Variants in INVS observed in about 807,000 individuals in gnomAD.
INVS encodes inversion of embryo turning homolog.
INVS carries 86 observed loss-of-function variants against 108.8 expected under a neutral mutation model. The observed-to-expected ratio is 0.79, with a 90% CI of 0.66 to 0.95. INVS has a LOEUF of 0.95. Ranked by LOEUF, INVS falls within the 40% of genes least tolerant of loss-of-function variation. The pLI, the probability that INVS is intolerant of heterozygous loss-of-function variation, is 0.00. For synonymous variants in INVS, 455 were observed against 473.5 expected (o/e 0.96, Z 0.51); for missense variants, 1,169 against 1,297.4 (o/e 0.90, Z 1.52).
Position 100,101,022 on chromosome 9 carries a change from ATAT to A in INVS, c.-25+1610_-25+1612del, listed in dbSNP as rs1368848079. Reference sequence around the variant, plus strand: ...TATAATATATATATTATATGTATATATATTATATATATTATATATGTGTATATA... The same window carrying A: ...TATAATATATATATTATATGTATATATATATATATTATATATGTGTATATA... On this transcript the variant is annotated intron_variant, in intron 1 of 16. Coordinates refer to ENST00000262457, the MANE Select transcript of INVS (RefSeq NM_014425.5). 3.9e-5 allele frequency among the ~76,000 whole-genome samples: 4 copies of A among 102,364 alleles called. No individual in the cohort carries two copies. The Admixed American group carries it at 5.0e-4, about 13-fold the overall frequency. 67.2% of individuals were successfully genotyped at this position (102,364 alleles called of 152,430 possible).
chr9:100,118,812 C>T (rs1827634722), intron 2 of INVS, among the ~76,000 whole-genome samples: 1 of 152,086 alleles, frequency 6.6e-6, no homozygotes, highest in Admixed American at 6.6e-5. Context: ...AGGTGCCCAC[C>T]ACCACACCTG....
intron 12 of INVS, among the ~76,000 whole-genome samples, chr9:100,283,655 C>T (rs1391182044): frequency 1.3e-5 from 2 of 152,182 alleles, no homozygotes; most frequent in African/African-American, 2.4e-5. Flanking sequence ...CTCCCCAGCC[C>T]TTCTCTGTTC....
chr9:100,226,254 C>T lies in INVS; in HGVS notation c.447+19C>T. On this transcript the variant is annotated intron_variant, in intron 4 of 16. Coordinates refer to ENST00000262457, the MANE Select transcript of INVS (RefSeq NM_014425.5). ...AAACAAGGTAATGGATACTCAAAAT[C>T]AAAGACTAATAAGACCAGAAAGCAA... is the stretch of plus-strand genomic sequence containing the variant. 1 of 1,607,798 alleles carries T rather than the reference C, an allele frequency of 6.2e-7. No homozygotes were observed. Among genetic ancestry groups the T allele is most frequent in the East Asian group, 2.2e-5 (1 of 44,804 alleles).
intron 5 of INVS, among the ~76,000 whole-genome samples, chr9:100,239,699 A>G (rs967936610): frequency 6.6e-6 from 1 of 152,196 alleles, no homozygotes; most frequent in African/African-American, 2.4e-5. Context: ...CAGGCTGGGC[A>G]CAGTGACTCA....
At chr9:100,192,441 C>T (rs566204553) in intron 3 of INVS, among the ~76,000 whole-genome samples, 2 of 152,106 alleles carry the variant, frequency 1.3e-5, no homozygotes, top group African/African-American at 4.8e-5. Flanking sequence ...TTTATACATT[C>T]ATGGGATGAT....
intron 13 of INVS, among the ~76,000 whole-genome samples, chr9:100,291,427 T>G (rs1317090272): frequency 6.6e-6 from 1 of 152,228 alleles, no homozygotes; most frequent in East Asian, 1.9e-4. Context: ...AAACTTCTTT[T>G]GTGTGTTTAA....
At chr9:100,196,989 A>T (rs1588081510) in intron 3 of INVS, among the ~76,000 whole-genome samples, 1 of 152,154 alleles carries the variant, frequency 6.6e-6, no homozygotes, top group East Asian at 1.9e-4. Context: ...TCAGTTCTGT[A>T]GCAGACACCC....
At chr9:100,194,029 T>C (rs1418184354) in intron 3 of INVS, among the ~76,000 whole-genome samples, 1 of 152,228 alleles carries the variant, frequency 6.6e-6, no homozygotes, top group African/African-American at 2.4e-5. Flanking sequence ...CTAATGAAGA[T>C]GGTAAGAACA....
intron 15 of INVS, 51 bp from the exon 16 acceptor site, chr9:100,297,885 G>A: frequency 6.2e-7 from 1 of 1,602,500 alleles, no homozygotes; most frequent in Non-Finnish European, 8.5e-7. Context: ...AGTTGGTCAG[G>A]CCAAACGTAT....
chr9:100,171,259 G>A (rs1829533342), intron 3 of INVS, among the ~76,000 whole-genome samples: 1 of 152,028 alleles, frequency 6.6e-6, no homozygotes, highest in Non-Finnish European at 1.5e-5. Context: ...TCTATGTTTA[G>A]ATACGTTTAG....
At chr9:100,239,961 C>G (rs1831812742) in intron 5 of INVS, 99 bp from the exon 6 acceptor site, 3 of 1,098,858 alleles carry the variant, frequency 2.7e-6, no homozygotes, top group South Asian at 2.5e-5. Context: ...AGAACAAGAC[C>G]CTGTCTCTAA....
intron 5 of INVS, among the ~76,000 whole-genome samples, chr9:100,234,063 A>G (rs1224181381): frequency 6.6e-6 from 1 of 152,166 alleles, no homozygotes; most frequent in Admixed American, 6.5e-5. Context: ...TTATTGGTCT[A>G]TTCAGGGATT....
At chr9:100,279,265 G>A (rs971098441) in intron 12 of INVS, among the ~76,000 whole-genome samples, 5 of 152,164 alleles carry the variant, frequency 3.3e-5, no homozygotes, top group African/African-American at 1.2e-4. Context: ...GGCACACAAA[G>A]GTTAGCCTGC....
At position 100,145,718 on chromosome 9, in the gene INVS, C is replaced by T. The variant is rs141794303; in HGVS notation, c.273+19169C>T. 2.1e-3 allele frequency among the ~76,000 whole-genome samples: 314 copies of T among 152,202 alleles called. 1 individual carries two copies. Among genetic ancestry groups the T allele is most frequent in the African/African-American group, 7.2e-3 (299 of 41,522 alleles). On this transcript the variant is annotated intron_variant, in intron 3 of 16. Coordinates refer to ENST00000262457, the MANE Select transcript of INVS (RefSeq NM_014425.5). ...CCCGTGTGGTCAGACACCTCTGAAACGTGGGTGAGTAATCAGGCAGTCGTC... is the reference window on the plus strand; with the variant it reads ...CCCGTGTGGTCAGACACCTCTGAAATGTGGGTGAGTAATCAGGCAGTCGTC...
At chr9:100,193,722 C>G (rs1259510546) in intron 3 of INVS, among the ~76,000 whole-genome samples, 1 of 152,138 alleles carries the variant, frequency 6.6e-6, no homozygotes, top group Admixed American at 6.5e-5. Flanking sequence ...TTCTTTCACT[C>G]AGTATAATTA....
At chr9:100,175,363 G>C (rs939567518) in intron 3 of INVS, 2 of 774,638 alleles carry the variant, frequency 2.6e-6, no homozygotes, top group Non-Finnish European at 4.7e-6. Context: ...CCCAAAGGCA[G>C]ACAACTCACT....
At chr9:100,225,313 G>T (rs924842692) in intron 3 of INVS, among the ~76,000 whole-genome samples, 4 of 150,718 alleles carry the variant, frequency 2.7e-5, no homozygotes, top group Admixed American at 2.6e-4. Flanking sequence ...CTCCCAAAGT[G>T]CTGGGGTTGC....
At chr9:100,191,044 A>G (rs34407295) in intron 3 of INVS, among the ~76,000 whole-genome samples, 29,297 of 151,806 alleles carry the variant, frequency 0.19, 4,507 homozygotes, top group African/African-American at 0.43. Context: ...AATTTTTTAT[A>G]GAGATGGGTT....
chr9:100,292,715 C>A lies in INVS; in HGVS notation c.2458C>A (p.His820Asn). 6.2e-7 allele frequency: 1 copy of A among 1,614,170 alleles called. No individual in the cohort carries two copies. Among genetic ancestry groups the A allele is most frequent in the Non-Finnish European group, 8.5e-7 (1 of 1,180,028 alleles). ...TGGCAGTGCCCGGGGGGAGGCGGTCCATGCTGGGCAGAATCCTCCCCACCA... is the reference window on the plus strand; with the variant it reads ...TGGCAGTGCCCGGGGGGAGGCGGTCAATGCTGGGCAGAATCCTCCCCACCA... ...RPGSARGEAV[H>N]AGQNPPHHRT... Residue 820 changes from histidine (H) to asparagine (N), a missense_variant, in exon 14 of 17, where the codon CAT (histidine) becomes AAT (asparagine). Around this residue, in one of 3 missense-constraint regions of INVS, gnomAD observed 533 missense variants for 536.0 expected, o/e 0.99. Coordinates refer to ENST00000262457, the MANE Select transcript of INVS (RefSeq NM_014425.5).
Sources: gnomAD v4.1 joint callset for allele counts (sites outside exome capture counted in the v4.1 genomes callset) on GRCh38, gnomAD v4.1.1 for gene constraint, gnomAD v4.1.1 regional missense constraint, MANE v1.5 for transcripts, NCBI Gene and HGNC (gene_info 2026-07-23, HGNC 2026-07-21) for gene names.